MAF: variants seen among roughly 807,000 people sequenced by gnomAD.
MAF encodes transcription factor Maf.
In MAF, 10 loss-of-function variants were observed where a neutral mutation model predicts 22.0. That is an observed-to-expected ratio of 0.45 (90% CI 0.28 to 0.77). MAF has a LOEUF of 0.77. Ranked by LOEUF, MAF falls within the 30% of genes least tolerant of loss-of-function variation. The probability of loss-of-function intolerance (pLI) is 0.12; values close to 1 mark genes in which losing one functional copy is unlikely to be tolerated. For missense variants in MAF, 544 were observed against 548.4 expected (o/e 0.99, Z 0.08); for synonymous variants, 337 against 255.8 (o/e 1.32, Z -3.03).
the MAF span, among the ~76,000 whole-genome samples, chr16:79,480,686 A>G: frequency 6.6e-6 from 1 of 152,214 alleles, no homozygotes; most frequent in Admixed American, 6.5e-5. Context: ...CAGAGCTGGC[A>G]TTGGACAGGG....
chr16:79,407,448 A>G, the MAF span, among the ~76,000 whole-genome samples: 1 of 152,096 alleles, frequency 6.6e-6, no homozygotes. Flanking sequence ...GCCCTTTGAA[A>G]GTTTCTCTCT....
the MAF span, among the ~76,000 whole-genome samples, chr16:79,560,405 G>A: frequency 1.3e-5 from 2 of 149,106 alleles, no homozygotes; most frequent in African/African-American, 2.5e-5. Context: ...ACATACGAAC[G>A]AACAAAAAGC....
At chr16:79,213,047 CTA>C in the MAF span, 2 of 152,044 alleles carry the variant, frequency 1.3e-5, no homozygotes, top group East Asian at 1.9e-4. Context: ...GCGGGTATCT[CTA>C]TGTTTGAGAA....
chr16:79,295,095 G>C, the MAF span, among the ~76,000 whole-genome samples: 1 of 151,582 alleles, frequency 6.6e-6, no homozygotes, highest in Non-Finnish European at 1.5e-5. Context: ...TGGGGGTGGG[G>C]GAGGGGGCAG....
At chr16:79,244,060 G>A in the MAF span, among the ~76,000 whole-genome samples, 5 of 151,882 alleles carry the variant, frequency 3.3e-5, no homozygotes, top group Non-Finnish European at 7.4e-5. Context: ...TTGATGGAAC[G>A]TATCTCAAAA....
the MAF span, among the ~76,000 whole-genome samples, chr16:79,550,646 C>A: frequency 6.6e-6 from 1 of 152,146 alleles, no homozygotes; most frequent in African/African-American, 2.4e-5. Flanking sequence ...GGTAGAGCCT[C>A]ATGATATCTC....
At chr16:79,221,365 A>G in the MAF span, among the ~76,000 whole-genome samples, 1 of 152,198 alleles carries the variant, frequency 6.6e-6, no homozygotes, top group African/African-American at 2.4e-5. Flanking sequence ...CGTTTTCTGA[A>G]CAAGAATCCA....
At chr16:79,263,315 G>A in the MAF span, among the ~76,000 whole-genome samples, 5 of 152,210 alleles carry the variant, frequency 3.3e-5, no homozygotes, top group Non-Finnish European at 7.3e-5. Flanking sequence ...AGTCAAGACA[G>A]AGATGGGGAA....
At chr16:79,547,926 G>GAGAGAGAGAT in the MAF span, among the ~76,000 whole-genome samples, 3 of 151,250 alleles carry the variant, frequency 2.0e-5, no homozygotes, top group Non-Finnish European at 4.4e-5. Flanking sequence ...GAGATAGAGA[G>GAGAGAGAGAT]AGAGAGAGAG....
chr16:79,411,461 C>A, the MAF span, among the ~76,000 whole-genome samples: 1 of 152,168 alleles, frequency 6.6e-6, no homozygotes, highest in Non-Finnish European at 1.5e-5. Flanking sequence ...CCTCTGAAGC[C>A]TGCATGACAA....
At chr16:79,371,173 G>A in the MAF span, among the ~76,000 whole-genome samples, 1 of 152,026 alleles carries the variant, frequency 6.6e-6, no homozygotes, top group African/African-American at 2.4e-5. Flanking sequence ...TGGAGGGCTG[G>A]GCCCTGATGG....
At chr16:79,339,681 T>C in the MAF span, among the ~76,000 whole-genome samples, 1 of 152,222 alleles carries the variant, frequency 6.6e-6, no homozygotes, top group Non-Finnish European at 1.5e-5. Flanking sequence ...ATTCCTTGTT[T>C]GTTGTTAGTG....
chr16:79,498,611 C>T, the MAF span, among the ~76,000 whole-genome samples: 1 of 152,130 alleles, frequency 6.6e-6, no homozygotes, highest in Non-Finnish European at 1.5e-5. Context: ...GAGATGGAGG[C>T]TATTAGTACG....
At chr16:79,456,610 A>C in the MAF span, among the ~76,000 whole-genome samples, 1 of 152,198 alleles carries the variant, frequency 6.6e-6, no homozygotes, top group Non-Finnish European at 1.5e-5. Flanking sequence ...AGCTGGCTCA[A>C]TTAGAGAAAG....
At chr16:79,448,660 T>C in the MAF span, among the ~76,000 whole-genome samples, 3 of 151,882 alleles carry the variant, frequency 2.0e-5, no homozygotes, top group Non-Finnish European at 4.4e-5. Flanking sequence ...CTCCAGACCT[T>C]GTGATCCACA....
At chr16:79,381,631 T>C in the MAF span, among the ~76,000 whole-genome samples, 1 of 152,162 alleles carries the variant, frequency 6.6e-6, no homozygotes, top group Non-Finnish European at 1.5e-5. Flanking sequence ...TGGCTGTCAC[T>C]CTGTCTGGGG....
chr16:79,462,148 A>G, the MAF span, among the ~76,000 whole-genome samples: 1 of 152,168 alleles, frequency 6.6e-6, no homozygotes, highest in Non-Finnish European at 1.5e-5. Flanking sequence ...GTTTTGGAAA[A>G]GTGATACCGA....
chr16:79,212,114 T>C, the MAF span: 2 of 1,535,722 alleles, frequency 1.3e-6, no homozygotes, highest in East Asian at 2.4e-5. Context: ...CTCTTTCTTT[T>C]ACTGTTATAG....
chr16:79,386,097 AC>A, the MAF span, among the ~76,000 whole-genome samples: 1 of 152,114 alleles, frequency 6.6e-6, no homozygotes, highest in Admixed American at 6.5e-5. Context: ...GCAGTCCCCA[AC>A]CTTTTTGGCA....
Sources: allele counts gnomAD v4.1 joint callset (sites outside exome capture counted in the v4.1 genomes callset), GRCh38; gene constraint gnomAD v4.1.1; transcripts MANE v1.5; gene names NCBI Gene and HGNC (gene_info 2026-07-23, HGNC 2026-07-21).